Variants in PLCH1 observed in about 807,000 individuals in gnomAD.
PLCH1 encodes phospholipase C eta 1.
Under a neutral mutation model 126.7 loss-of-function variants are expected in PLCH1, and 60 were observed. The ratio of observed to expected loss-of-function variants is 0.47; its 90% CI spans 0.38 to 0.59. PLCH1 has a LOEUF of 0.59. Ranked by LOEUF, PLCH1 falls within the 20% of genes least tolerant of loss-of-function variation. The probability of loss-of-function intolerance (pLI) is 0.00; values close to 1 mark genes in which losing one functional copy is unlikely to be tolerated. For missense variants in PLCH1, 1,723 were observed against 2,040.0 expected (o/e 0.84, Z 2.99); for synonymous variants, 719 against 734.9 (o/e 0.98, Z 0.35).
intron 2 of PLCH1, among the ~76,000 whole-genome samples, chr3:155,672,244 T>A (rs1248142326): frequency 2.0e-5 from 3 of 152,188 alleles, no homozygotes; most frequent in Admixed American, 2.0e-4. Flanking sequence ...ACTAAGTGAC[T>A]TCTGGAACTA....
intron 21 of PLCH1, among the ~76,000 whole-genome samples, chr3:155,474,652 C>G (rs1713441227): frequency 7.8e-6 from 1 of 128,536 alleles, no homozygotes; most frequent in Non-Finnish European, 1.6e-5. Flanking sequence ...GCATTATTCA[C>G]AATAGCAAAG....
intron 2 of PLCH1, among the ~76,000 whole-genome samples, chr3:155,631,902 C>CTTTTTTTT (rs60843505): frequency 5.0e-5 from 7 of 140,842 alleles, no homozygotes; most frequent in Non-Finnish European, 3.1e-5. Flanking sequence ...ACAAGAACTC[C>CTTTTTTTT]TTTTTTTTTT....
Position 155,481,119 on chromosome 3 carries a change from C to T in PLCH1, c.4907G>A (p.Gly1636Glu), listed in dbSNP as rs768968242. 2 of 1,614,200 alleles carry T rather than the reference C, an allele frequency of 1.2e-6. No homozygotes were observed. The highest frequency in any genetic ancestry group is 1.7e-6 in the Non-Finnish European group (2 of 1,180,016). ...YIAGYLKNTK[G>E]GGLEGRGIPE... The stretch of plus-strand genomic sequence containing the variant: ...GATGCCCCGGCCTTCAAGGCCACCC[C>T]CTTTCGTGTTCTTCAGGTAGCCTGC... The change falls in exon 23 of 23, where the codon GGG becomes GAG. Residue 1636 changes from glycine (G) to glutamate (E), a missense_variant. Transcript: ENST00000460012. The surrounding 1 kb of genome is among the most constrained non-coding windows in gnomAD (Gnocchi z 4.2).
At chr3:155,695,570 T>C (rs1313097016) in intron 2 of PLCH1, among the ~76,000 whole-genome samples, 1 of 152,282 alleles carries the variant, frequency 6.6e-6, no homozygotes, top group Non-Finnish European at 1.5e-5. Context: ...ACCTACTATA[T>C]GCAACGCATT....
At chr3:155,541,055 C>T (rs1316349377) in intron 10 of PLCH1, among the ~76,000 whole-genome samples, 1 of 152,126 alleles carries the variant, frequency 6.6e-6, no homozygotes, top group Non-Finnish European at 1.5e-5. Flanking sequence ...GAATACTACT[C>T]AGCCATAAAA....
chr3:155,487,297 A>G (rs1482337124), intron 21 of PLCH1, among the ~76,000 whole-genome samples: 1 of 152,214 alleles, frequency 6.6e-6, no homozygotes, highest in Non-Finnish European at 1.5e-5. Context: ...GCTTCCAGCT[A>G]TACAGATTTT....
At chr3:155,708,643 A>T (rs1402654692) in intron 1 of PLCH1, among the ~76,000 whole-genome samples, 1 of 152,136 alleles carries the variant, frequency 6.6e-6, no homozygotes, top group African/African-American at 2.4e-5. Flanking sequence ...TACATTAGAG[A>T]TGTATTTCCC....
intron 7 of PLCH1, among the ~76,000 whole-genome samples, chr3:155,567,438 G>GGTATTAAA (rs557397745): frequency 2.6e-5 from 4 of 152,044 alleles, no homozygotes; most frequent in Non-Finnish European, 5.9e-5. Flanking sequence ...GTAAATAGAT[G>GGTATTAAA]GTATTAAACC....
At position 155,744,920 on chromosome 3, in the gene PLCH1, G is replaced by A. The variant is rs1424771712; in HGVS notation, c.-121C>T. The A allele has an allele frequency of 6.6e-6, 1 of 152,514 alleles. No homozygotes were observed. The highest frequency in any genetic ancestry group is 6.5e-5 in the Admixed American group (1 of 15,286). 9.4% of individuals were successfully genotyped at this position (152,514 alleles called of 1,614,324 possible). On this transcript the variant is annotated 5_prime_UTR_variant, in exon 1 of 23. Coordinates refer to ENST00000460012, the MANE Select transcript of PLCH1 (RefSeq NM_014996.4). The stretch of plus-strand genomic sequence containing the variant: ...GGAGCCACCTCCGAAGTGCTGGGGT[G>A]ATGAGTTATTGGCCCCTGTGACTCC...
intron 2 of PLCH1, among the ~76,000 whole-genome samples, chr3:155,600,015 C>T (rs1733512787): frequency 6.6e-6 from 1 of 152,156 alleles, no homozygotes; most frequent in Admixed American, 6.6e-5. Flanking sequence ...GTTTATGTAG[C>T]TGCTTTATGC....
At chr3:155,603,424 C>T (rs1733989027) in intron 2 of PLCH1, among the ~76,000 whole-genome samples, 3 of 152,130 alleles carry the variant, frequency 2.0e-5, no homozygotes, top group Admixed American at 2.0e-4. Flanking sequence ...AACCCAACAC[C>T]TATTTTGGGA....
chr3:155,576,569 A>G (rs1271143738), intron 6 of PLCH1, among the ~76,000 whole-genome samples: 4 of 152,234 alleles, frequency 2.6e-5, no homozygotes. Flanking sequence ...CCTTGACAGC[A>G]TATGTGGCCA....
chr3:155,530,616 T>G (rs1722545668), intron 10 of PLCH1, among the ~76,000 whole-genome samples: 1 of 152,140 alleles, frequency 6.6e-6, no homozygotes, highest in Non-Finnish European at 1.5e-5. Flanking sequence ...TTCTAACACA[T>G]CTACAGTGAC....
chr3:155,482,913 G>A lies in PLCH1; in HGVS notation c.3113C>T (p.Thr1038Ile). 6.2e-7 allele frequency: 1 copy of A among 1,614,218 alleles called. No individual in the cohort carries two copies. The highest frequency in any genetic ancestry group is 1.6e-4 in the Middle Eastern group (1 of 6,062). Reference sequence around the variant, plus strand: ...TTCTCCTGTGACTGACATGTGGGCAGTAGATACAATGGTGTCCCCTTGGCT... The same window carrying A: ...TTCTCCTGTGACTGACATGTGGGCAATAGATACAATGGTGTCCCCTTGGCT... ...DTSQGDTIVS[T>I]AHMSVTGEQL... Residue 1038 changes from threonine to isoleucine, a missense_variant, in exon 23 of 23, where the codon ACT (threonine) becomes ATT (isoleucine). Thr to Ile is a moderately conservative substitution (Grantham distance 89). This residue lies in a region of PLCH1 where 947 missense variants were observed against 977.1 expected (regional missense o/e 0.97). Coordinates refer to ENST00000460012, the MANE Select transcript of PLCH1 (RefSeq NM_014996.4).
At chr3:155,713,051 A>G (rs940382656) in intron 1 of PLCH1, among the ~76,000 whole-genome samples, 1 of 151,512 alleles carries the variant, frequency 6.6e-6, no homozygotes, top group East Asian at 1.9e-4. Flanking sequence ...AACAAATAAG[A>G]CTAAATGGAA....
chr3:155,474,456 G>A (rs1576770806), intron 21 of PLCH1, among the ~76,000 whole-genome samples: 1 of 144,376 alleles, frequency 6.9e-6, no homozygotes. Flanking sequence ...TGGAGAAATA[G>A]GAACACTTTT....
At chr3:155,502,769 T>A (rs967338935) in intron 13 of PLCH1, among the ~76,000 whole-genome samples, 1 of 152,338 alleles carries the variant, frequency 6.6e-6, no homozygotes, top group East Asian at 1.9e-4. Flanking sequence ...CGAGGGATCA[T>A]CTTTTAATGG....
At chr3:155,712,658 T>G (rs1577356138) in intron 1 of PLCH1, among the ~76,000 whole-genome samples, 1 of 152,242 alleles carries the variant, frequency 6.6e-6, no homozygotes, top group African/African-American at 2.4e-5. Context: ...GAGAATTTCT[T>G]GAACCGAAGA....
chr3:155,455,557 G>A (rs1370327558), intron 21 of PLCH1, among the ~76,000 whole-genome samples: 1 of 152,164 alleles, frequency 6.6e-6, no homozygotes, highest in Non-Finnish European at 1.5e-5. Flanking sequence ...GAAGTTAATT[G>A]AGCAAGAAAA....
Sources: allele counts gnomAD v4.1 joint callset (sites outside exome capture counted in the v4.1 genomes callset), GRCh38; gene constraint gnomAD v4.1.1; regional missense constraint gnomAD v4.1.1; non-coding constraint Gnocchi (gnomAD v3.1); transcripts MANE v1.5; gene names NCBI Gene and HGNC (gene_info 2026-07-23, HGNC 2026-07-21).